Variants in SAMMSON observed in about 807,000 individuals in gnomAD.
The protein encoded by SAMMSON is survival associated mitochondrial melanoma specific oncogenic non-coding RNA.
At chr3:70,023,221 C>T (rs1249926723) in intron 3 of SAMMSON, among the ~76,000 whole-genome samples, 2 of 151,960 alleles carry the variant, frequency 1.3e-5, no homozygotes, top group Non-Finnish European at 2.9e-5. Context: ...CTTTGGGAGG[C>T]CGAGGCAGGC....
intron 4 of SAMMSON, chr3:70,075,299 G>C (rs1160877812): frequency 6.6e-6 from 1 of 152,044 alleles, no homozygotes; most frequent in Non-Finnish European, 1.5e-5. Flanking sequence ...TCTTAAAATA[G>C]CAATGTTTTC....
chr3:70,093,351 T>C (rs2067312245), intron 4 of SAMMSON, among the ~76,000 whole-genome samples: 1 of 152,142 alleles, frequency 6.6e-6, no homozygotes, highest in African/African-American at 2.4e-5. Context: ...TACCAAAAAC[T>C]AAACAAGAGC....
At chr3:70,114,227 G>A (rs2067401093) in intron 4 of SAMMSON, among the ~76,000 whole-genome samples, 1 of 152,094 alleles carries the variant, frequency 6.6e-6, no homozygotes, top group Non-Finnish European at 1.5e-5. Context: ...CCTTATGTGT[G>A]TTTATAATGA....
At chr3:70,290,914 C>T (rs148579138) in intron 6 of SAMMSON, among the ~76,000 whole-genome samples, 3 of 152,292 alleles carry the variant, frequency 2.0e-5, no homozygotes, top group African/African-American at 2.4e-5. Flanking sequence ...CGCCCTGCTT[C>T]GGATGGCGCA....
At chr3:70,243,676 A>G (rs1201296666) in intron 4 of SAMMSON, among the ~76,000 whole-genome samples, 3 of 152,066 alleles carry the variant, frequency 2.0e-5, no homozygotes, top group Non-Finnish European at 4.4e-5. Flanking sequence ...ACCTTCTCCA[A>G]CGTCTCCAGG....
At chr3:70,198,017 ATTAG>A (rs1210759632) in intron 4 of SAMMSON, among the ~76,000 whole-genome samples, 1 of 152,216 alleles carries the variant, frequency 6.6e-6, no homozygotes, top group Non-Finnish European at 1.5e-5. Context: ...CATAAAGGGA[ATTAG>A]TTAGAAGATG....
At chr3:70,126,271 C>G in intron 4 of SAMMSON, 1 of 827,124 alleles carries the variant, frequency 1.2e-6, no homozygotes, top group Non-Finnish European at 1.8e-6. Context: ...TTTTTTTTTT[C>G]AGAGACTGGA....
intron 4 of SAMMSON, among the ~76,000 whole-genome samples, chr3:70,161,767 T>C (rs2067616518): frequency 1.3e-5 from 2 of 151,898 alleles, no homozygotes; most frequent in African/African-American, 4.8e-5. Context: ...TTAAGTGGTT[T>C]ATAGAATTCA....
chr3:70,065,135 T>G (rs543939926), intron 3 of SAMMSON: 2 of 149,948 alleles, frequency 1.3e-5, no homozygotes, highest in South Asian at 4.2e-4. Flanking sequence ...CATTTTTTTA[T>G]TTTTTTTGCT....
intron 4 of SAMMSON, among the ~76,000 whole-genome samples, chr3:70,118,882 C>T (rs2106665517): frequency 6.6e-6 from 1 of 152,188 alleles, no homozygotes; most frequent in Middle Eastern, 3.4e-3. Flanking sequence ...AAGTCTGAAG[C>T]CTATCCTATA....
chr3:70,406,551 T>C (rs1701179885), intron 2 of SAMMSON, among the ~76,000 whole-genome samples: 1 of 152,142 alleles, frequency 6.6e-6, no homozygotes, highest in South Asian at 2.1e-4. Flanking sequence ...GCTTATAGCA[T>C]ATATAGAAAT....
intron 6 of SAMMSON, among the ~76,000 whole-genome samples, chr3:70,256,512 T>A (rs1701817830): frequency 6.6e-6 from 1 of 152,222 alleles, no homozygotes; most frequent in South Asian, 2.1e-4. Flanking sequence ...TAGTTCTTCT[T>A]AAGTGCCATG....
At chr3:70,187,427 C>CTTTTTTTTT (rs928465556) in intron 4 of SAMMSON, among the ~76,000 whole-genome samples, 1 of 73,116 alleles carries the variant, frequency 1.4e-5, no homozygotes, top group African/African-American at 6.5e-5. Flanking sequence ...GGGACCAACT[C>CTTTTTTTTT]TTTTTTTTTT....
At chr3:70,196,804 G>A in intron 4 of SAMMSON, 1 of 396,912 alleles carries the variant, frequency 2.5e-6, no homozygotes, top group East Asian at 3.6e-5. Context: ...AGAATAAAAT[G>A]GCCTATAGCA....
chr3:70,020,958 G>T (rs1355292902), intron 3 of SAMMSON, among the ~76,000 whole-genome samples: 1 of 152,184 alleles, frequency 6.6e-6, no homozygotes, highest in African/African-American at 2.4e-5. Flanking sequence ...AGTTCTGAAA[G>T]TGTTGGTAAT....
At chr3:70,248,416 TA>T (rs1186551724) in intron 4 of SAMMSON, among the ~76,000 whole-genome samples, 1 of 152,034 alleles carries the variant, frequency 6.6e-6, no homozygotes, top group Non-Finnish European at 1.5e-5. Flanking sequence ...GAAGCAGAAT[TA>T]GAAGCACACT....
rs555171850 is a variant in SAMMSON, at chr3:70,139,632, G to A, written n.507+68067G>A. Reference sequence around the variant, plus strand: ...CATACCTGGAGTGATTGAGGAGTACGGTTATGGAGTTTGGGGTAAGGAAGC... The same window carrying A: ...CATACCTGGAGTGATTGAGGAGTACAGTTATGGAGTTTGGGGTAAGGAAGC... On this transcript the variant is annotated intron_variant and non_coding_transcript_variant, in intron 4 of 9. Coordinates refer to ENST00000642114, the Ensembl canonical transcript of SAMMSON. 7.9e-5 allele frequency among the ~76,000 whole-genome samples: 12 copies of A among 152,298 alleles called. No individual in the cohort carries two copies. In the South Asian group the frequency reaches 1.9e-3, roughly 24 times the overall value.
chr3:70,139,063 C>T (rs925376491), intron 4 of SAMMSON, among the ~76,000 whole-genome samples: 4 of 152,172 alleles, frequency 2.6e-5, no homozygotes, highest in Admixed American at 1.3e-4. Context: ...CTCTTCAATA[C>T]AGTAATCACT....
At chr3:70,124,050 T>A (rs2067445785) in intron 4 of SAMMSON, among the ~76,000 whole-genome samples, 1 of 152,176 alleles carries the variant, frequency 6.6e-6, no homozygotes, top group Non-Finnish European at 1.5e-5. Flanking sequence ...GCTGACTAAC[T>A]GGGTACCCTG....
Sources: allele counts gnomAD v4.1 joint callset (sites outside exome capture counted in the v4.1 genomes callset), GRCh38; gene constraint gnomAD v4.1.1; transcripts MANE v1.5; gene names NCBI Gene and HGNC (gene_info 2026-07-23, HGNC 2026-07-21).